PTCD3: variants seen among roughly 807,000 people sequenced by gnomAD.
PTCD3 encodes pentatricopeptide repeat domain 3, also known as small ribosomal subunit protein mS39.
A neutral mutation model predicts 101.9 loss-of-function variants in PTCD3; 89 were observed. The observed-to-expected ratio is 0.87, with a 90% confidence interval of 0.74 to 1.04. The LOEUF (loss-of-function observed/expected upper bound fraction) is 1.04. Among genes scored for constraint, PTCD3 ranks in the 50% least tolerant of loss-of-function variants. PTCD3 has a pLI of 0.00. For missense variants in PTCD3, 870 were observed against 828.2 expected (o/e 1.05, Z -0.62); for synonymous variants, 296 against 278.5 (o/e 1.06, Z -0.63).
chr2:86,128,249 G>C (rs1241221174), intron 14 of PTCD3, among the ~76,000 whole-genome samples: 1 of 149,346 alleles, frequency 6.7e-6, no homozygotes, highest in Non-Finnish European at 1.5e-5. Context: ...ATGCCCACCA[G>C]CATGCCTAGC....
At chr2:86,123,646 G>A (rs766666020) in intron 8 of PTCD3, 55 bp from the exon 9 acceptor site, 1 of 1,327,626 alleles carries the variant, frequency 7.5e-7, no homozygotes, top group Non-Finnish European at 1.0e-6. Flanking sequence ...AGTCTGACTG[G>A]GAAATGCATT....
At chr2:86,121,323 G>GT (rs1674276395) in intron 7 of PTCD3, 156 bp from the exon 8 acceptor site, 2 of 488,824 alleles carry the variant, frequency 4.1e-6, no homozygotes, top group Admixed American at 3.8e-5. Flanking sequence ...CACTTCAGGT[G>GT]TTTAAGTTGA....
intron 1 of PTCD3, among the ~76,000 whole-genome samples, chr2:86,106,898 A>G (rs1159290612): frequency 6.6e-6 from 1 of 152,188 alleles, no homozygotes; most frequent in Non-Finnish European, 1.5e-5. Flanking sequence ...TTCACTCAGT[A>G]CAAACAGTGG....
At chr2:86,120,170 C>T (rs17026949) in intron 7 of PTCD3, among the ~76,000 whole-genome samples, 4 of 152,100 alleles carry the variant, frequency 2.6e-5, no homozygotes, top group East Asian at 1.9e-4. Flanking sequence ...TTAATATGAT[C>T]GGCATCTGGT....
intron 7 of PTCD3, 194 bp downstream of exon 7, chr2:86,119,238 G>A: frequency 3.0e-6 from 2 of 676,268 alleles, no homozygotes; most frequent in Non-Finnish European, 4.7e-6. Flanking sequence ...AGGCGAAGTA[G>A]AATTGCAGCT....
chr2:86,133,549 A>G (rs1674529747), intron 19 of PTCD3, 113 bp downstream of exon 19: 1 of 1,049,272 alleles, frequency 9.5e-7, no homozygotes, highest in Non-Finnish European at 1.4e-6. Context: ...TGACTGAACC[A>G]AATGTGTTAG....
intron 23 of PTCD3, 71 bp from the exon 24 acceptor site, chr2:86,137,398 T>A: frequency 6.3e-7 from 1 of 1,596,910 alleles, no homozygotes; most frequent in Non-Finnish European, 8.5e-7. Flanking sequence ...TATAGGTGAG[T>A]GTCAGAGACA....
chr2:86,121,843 C>G lies in PTCD3; in HGVS notation c.654+249C>G, dbSNP rs114698596. 2.8e-3 allele frequency among the ~76,000 whole-genome samples: 433 copies of G among 152,296 alleles called. 3 individuals are homozygous for G. The highest frequency in any genetic ancestry group is 0.01 in the African/African-American group (418 of 41,552). The stretch of plus-strand genomic sequence containing the variant: ...CTTCATATTAAGGCAAAGCGTTGAT[C>G]AGAAATGTTTGGGCTGGCCTGTGCC... On this transcript the variant is annotated intron_variant, in intron 8 of 23. Coordinates refer to ENST00000254630, the MANE Select transcript of PTCD3 (RefSeq NM_017952.6).
chr2:86,123,569 T>C, intron 8 of PTCD3, 132 bp from the exon 9 acceptor site: 1 of 646,150 alleles, frequency 1.5e-6, no homozygotes, highest in Non-Finnish European at 2.6e-6. Flanking sequence ...GGGCTTCCTC[T>C]TTGCCTTCTG....
intron 1 of PTCD3, 99 bp from the exon 2 acceptor site, chr2:86,108,251 G>A (rs753630347): frequency 2.6e-5 from 35 of 1,342,358 alleles, no homozygotes; most frequent in Admixed American, 6.6e-5. Flanking sequence ...AGTTTAATCC[G>A]TGATAATTGG....
intron 7 of PTCD3, among the ~76,000 whole-genome samples, chr2:86,120,240 T>C (rs1319261240): frequency 6.6e-6 from 1 of 152,108 alleles, no homozygotes; most frequent in East Asian, 1.9e-4. Flanking sequence ...TTACCCCCTT[T>C]ATTGGATAGG....
At chr2:86,127,037 GAT>G in intron 12 of PTCD3, 122 bp from the exon 13 acceptor site, 1 of 782,300 alleles carries the variant, frequency 1.3e-6, no homozygotes. Context: ...TTAAAAGAGG[GAT>G]ATAGTTACTA....
Position 86,124,975 on chromosome 2 carries a change from A to G in PTCD3, c.717-20A>G, listed in dbSNP as rs748694570. On this transcript the variant is annotated intron_variant, in intron 9 of 23. Transcript: ENST00000254630. ...GGTATTTCTTATTGCCTGGGTTCAC[A>G]TTTACTCTCTTGTGTCTAGAGCAAA... 6 of 1,612,544 alleles carry G rather than the reference A, an allele frequency of 3.7e-6. No homozygotes were observed. The highest frequency in any genetic ancestry group is 2.2e-5 in the South Asian group (2 of 90,730).
Position 86,121,597 on chromosome 2 carries a change from A to G in PTCD3, c.654+3A>G, listed in dbSNP as rs771210083. 2 of 1,566,498 alleles carry G rather than the reference A, an allele frequency of 1.3e-6. No homozygotes were observed. The highest frequency in any genetic ancestry group is 1.2e-5 in the South Asian group (1 of 84,788). ...AAACTGGACAGTCAGAAGCATTGGT[A>G]ATAACTGTTGGCCTTGATTTTTTTT... is the stretch of plus-strand genomic sequence containing the variant. On this transcript the variant is annotated splice_donor_region_variant and intron_variant, in intron 8 of 23. Transcript: ENST00000254630.
intron 21 of PTCD3, chr2:86,136,012 C>A (rs1674578579): frequency 1.9e-6 from 1 of 519,022 alleles, no homozygotes; most frequent in African/African-American, 1.9e-5. Flanking sequence ...GCCTGCACTT[C>A]ATAACAGAAT....
chr2:86,111,551 G>C (rs1428553786), intron 4 of PTCD3, among the ~76,000 whole-genome samples: 1 of 151,662 alleles, frequency 6.6e-6, no homozygotes, highest in East Asian at 2.0e-4. Context: ...TCGCGCCACT[G>C]CACTCCAGCC....
chr2:86,127,323 AG>A lies in PTCD3; in HGVS notation c.1096+19del, dbSNP rs756240393. The A allele has an allele frequency of 1.2e-6, 2 of 1,611,116 alleles. No homozygotes were observed. The highest frequency in any genetic ancestry group is 1.7e-6 in the Non-Finnish European group (2 of 1,178,566). On this transcript the variant is annotated intron_variant, in intron 13 of 23. Transcript: ENST00000254630. ...TGGAATAGGTGAGGATGCGCCCTTG[AG>A]TTCTCTGAGGACAGAGACTGTGCCA...
Position 86,137,872 on chromosome 2 carries a change from T to C in PTCD3, c.*313T>C, listed in dbSNP as rs1674619417. 2 of 299,908 alleles carry C rather than the reference T, an allele frequency of 6.7e-6. No homozygotes were observed. Among genetic ancestry groups the C allele is most frequent in the Admixed American group, 4.1e-5 (1 of 24,474 alleles). 18.6% of individuals were successfully genotyped at this position (299,908 alleles called of 1,614,324 possible). A position where few individuals can be genotyped will look rare whatever the true frequency, so the allele number is the denominator to read the frequency against. On this transcript the variant is annotated 3_prime_UTR_variant, in exon 24 of 24. Coordinates refer to ENST00000254630, the MANE Select transcript of PTCD3 (RefSeq NM_017952.6). ...CTGCACACCTAGAGTGTCGGTGAGC[T>C]GACCTCACGATGCTGTCCTCGTGCG...
At chr2:86,112,978 A>G (rs2104448821) in intron 4 of PTCD3, among the ~76,000 whole-genome samples, 1 of 152,334 alleles carries the variant, frequency 6.6e-6, no homozygotes, top group Non-Finnish European at 1.5e-5. Flanking sequence ...ATGATTAATA[A>G]TCTGGGTCCT....
Sources: gnomAD v4.1 joint callset for allele counts (sites outside exome capture counted in the v4.1 genomes callset) on GRCh38, gnomAD v4.1.1 for gene constraint, MANE v1.5 for transcripts, NCBI Gene and HGNC (gene_info 2026-07-23, HGNC 2026-07-21) for gene names.